Variants in SWT1 observed in about 807,000 individuals in gnomAD.
SWT1 encodes transcriptional protein SWT1.
A neutral mutation model predicts 107.3 loss-of-function variants in SWT1; 33 were observed. That is an observed-to-expected ratio of 0.31 (90% CI 0.23 to 0.41). SWT1 has a LOEUF of 0.41. SWT1 is among the 10% of genes least tolerant of loss of function. SWT1 has a pLI of 1.00. For missense variants in SWT1, 898 were observed against 1,028.9 expected (o/e 0.87, Z 1.74); for synonymous variants, 345 against 348.3 (o/e 0.99, Z 0.11).
chr1:185,185,598 A>G (rs560405298), intron 9 of SWT1, among the ~76,000 whole-genome samples: 79 of 152,286 alleles, frequency 5.2e-4, no homozygotes, highest in South Asian at 1.7e-3. Flanking sequence ...AATTATTTAT[A>G]TATGTAAGCT....
intron 7 of SWT1, 113 bp from the exon 8 acceptor site, chr1:185,184,130 C>CA: frequency 1.7e-6 from 1 of 585,706 alleles, no homozygotes; most frequent in East Asian, 3.1e-5. Context: ...GTTAACAAGA[C>CA]AAAGAGGCGT....
At chr1:185,256,994 C>G (rs1446344125) in intron 16 of SWT1, among the ~76,000 whole-genome samples, 1 of 152,090 alleles carries the variant, frequency 6.6e-6, no homozygotes, top group Non-Finnish European at 1.5e-5. Context: ...AGTTTTCCTT[C>G]TAACAGACAG....
rs201896577 is a variant in SWT1, at chr1:185,161,831, ACT to A, written c.84+911_84+912del. The stretch of plus-strand genomic sequence containing the variant: ...AACCATGTAATCAGTTTCATTATAT[ACT>A]CTCTGAATAGTATGGGTAGTTGATC... On this transcript the variant is annotated intron_variant, in intron 2 of 18. Coordinates refer to ENST00000367500, the MANE Select transcript of SWT1 (RefSeq NM_017673.7). Among the ~76,000 whole-genome samples the A allele has an allele frequency of 7.9e-5, 12 of 152,254 alleles. No individual in the cohort carries two copies. The East Asian group carries it at 1.9e-3, about 25-fold the overall frequency.
intron 16 of SWT1, among the ~76,000 whole-genome samples, chr1:185,243,671 T>C (rs1448745939): frequency 6.6e-6 from 1 of 152,218 alleles, no homozygotes; most frequent in Non-Finnish European, 1.5e-5. Context: ...CAAGGCATGT[T>C]AAACCTTTTT....
At chr1:185,258,743 C>G (rs1469029332) in intron 16 of SWT1, among the ~76,000 whole-genome samples, 1 of 151,932 alleles carries the variant, frequency 6.6e-6, no homozygotes, top group East Asian at 1.9e-4. Context: ...AGATTTTTCT[C>G]TGTATGTTTT....
chr1:185,165,410 A>G (rs1365715698), intron 2 of SWT1, among the ~76,000 whole-genome samples: 1 of 152,248 alleles, frequency 6.6e-6, no homozygotes, highest in African/African-American at 2.4e-5. Context: ...TCTATGAAGT[A>G]CAATAAAGCA....
chr1:185,273,032 C>CAA (rs577581953), intron 17 of SWT1, among the ~76,000 whole-genome samples: 5 of 135,696 alleles, frequency 3.7e-5, no homozygotes, highest in African/African-American at 1.1e-4. Context: ...GACCCTGTCT[C>CAA]AAAAAAAAAA....
intron 16 of SWT1, among the ~76,000 whole-genome samples, chr1:185,252,101 G>T (rs905693754): frequency 1.3e-5 from 2 of 151,800 alleles, no homozygotes. Context: ...AATTTCATCC[G>T]GACATGAACT....
chr1:185,209,014 G>T (rs1220420799), intron 13 of SWT1, among the ~76,000 whole-genome samples: 1 of 152,152 alleles, frequency 6.6e-6, no homozygotes, highest in East Asian at 1.9e-4. Flanking sequence ...TATCTGAACT[G>T]CTGTGGTCCT....
chr1:185,164,864 T>A (rs1654445077), intron 2 of SWT1, among the ~76,000 whole-genome samples: 1 of 152,246 alleles, frequency 6.6e-6, no homozygotes, highest in African/African-American at 2.4e-5. Context: ...GTAGTGCTTT[T>A]AATTTCCTTC....
At chr1:185,268,853 CTTTT>C (rs71101966) in intron 16 of SWT1, among the ~76,000 whole-genome samples, 3 of 134,566 alleles carry the variant, frequency 2.2e-5, no homozygotes, top group Non-Finnish European at 4.8e-5. Context: ...TTCTTTTTCT[CTTTT>C]TTTTTTTTTT....
chr1:185,218,818 C>T (rs1659420491), intron 14 of SWT1, among the ~76,000 whole-genome samples: 1 of 152,146 alleles, frequency 6.6e-6, no homozygotes, highest in South Asian at 2.1e-4. Context: ...ATTAAACTCT[C>T]TGGACCTTAA....
chr1:185,203,516 G>C (rs1462244376), intron 11 of SWT1, among the ~76,000 whole-genome samples: 1 of 151,944 alleles, frequency 6.6e-6, no homozygotes, highest in Admixed American at 6.6e-5. Flanking sequence ...AGCTACTCGG[G>C]AGGCTGAGGC....
In SWT1 at chr1:185,160,898, C is replaced by T; in HGVS notation, c.57C>T (p.Thr19=). ...KKETSQRKDT[T]TSSPNFGEKD... ...AGACATCTCAGAGGAAAGACACCAC[C>T]ACCTCATCACCCAATTTTGGTGAAA... is the stretch of plus-strand genomic sequence containing the variant. The change falls in exon 2 of 19, where the codon ACC becomes ACT. Residue 19 remains threonine (T), a synonymous_variant. Coordinates refer to ENST00000367500, the MANE Select transcript of SWT1 (RefSeq NM_017673.7). 1.2e-6 allele frequency: 2 copies of T among 1,612,676 alleles called. No individual in the cohort carries two copies. The highest frequency in any genetic ancestry group is 2.2e-5 in the East Asian group (1 of 44,814).
intron 15 of SWT1, among the ~76,000 whole-genome samples, chr1:185,230,105 G>GACAGTTAT (rs1257881845): frequency 3.3e-5 from 5 of 152,166 alleles, no homozygotes; most frequent in African/African-American, 1.2e-4. Context: ...TGAGTTTTAC[G>GACAGTTAT]ACAGTTATAA....
At chr1:185,218,492 G>A (rs979831667) in intron 14 of SWT1, among the ~76,000 whole-genome samples, 1 of 151,938 alleles carries the variant, frequency 6.6e-6, no homozygotes, top group Non-Finnish European at 1.5e-5. Flanking sequence ...AAATTTTTTT[G>A]TACAGACTAG....
chr1:185,285,192 G>A (rs1459683169), intron 18 of SWT1, among the ~76,000 whole-genome samples: 1 of 152,126 alleles, frequency 6.6e-6, no homozygotes. Context: ...GATGCAGAGA[G>A]GCAGCAGCCT....
At chr1:185,237,468 G>A (rs998683410) in intron 16 of SWT1, among the ~76,000 whole-genome samples, 40 of 152,110 alleles carry the variant, frequency 2.6e-4, no homozygotes, top group African/African-American at 8.7e-4. Flanking sequence ...ACCAAACACT[G>A]CATGTTCTCA....
intron 1 of SWT1, among the ~76,000 whole-genome samples, chr1:185,159,653 T>G (rs1368264530): frequency 6.6e-6 from 1 of 152,190 alleles, no homozygotes; most frequent in East Asian, 1.9e-4. Flanking sequence ...CAAGTATGTA[T>G]GTAGACATTA....
Sources: allele counts gnomAD v4.1 joint callset (sites outside exome capture counted in the v4.1 genomes callset), GRCh38; gene constraint gnomAD v4.1.1; transcripts MANE v1.5; gene names NCBI Gene and HGNC (gene_info 2026-07-23, HGNC 2026-07-21).